Variants in NELL1 observed in about 807,000 individuals in gnomAD.
NELL1 encodes protein kinase C-binding protein NELL1.
A neutral mutation model predicts 107.4 loss-of-function variants in NELL1; 76 were observed. The observed-to-expected ratio is 0.71, with a 90% CI of 0.59 to 0.86. The LOEUF (loss-of-function observed/expected upper bound fraction) is 0.86. Ranked by LOEUF, NELL1 falls within the 40% of genes least tolerant of loss-of-function variation. The probability of loss-of-function intolerance (pLI) is 0.00; values close to 1 mark genes in which losing one functional copy is unlikely to be tolerated. For synonymous variants in NELL1, 353 were observed against 341.2 expected, an observed-to-expected ratio of 1.03 and a Z score of -0.38; for missense variants, 1,024 against 1,005.5, an observed-to-expected ratio of 1.02 and a Z score of -0.25.
chr11:21,220,088 A>AC (rs1305892006), intron 13 of NELL1, among the ~76,000 whole-genome samples: 1 of 152,222 alleles, frequency 6.6e-6, no homozygotes, highest in Non-Finnish European at 1.5e-5. Context: ...GTCACCTCCC[A>AC]CCAGGTTCTG....
At chr11:21,376,707 G>A (rs1851489852) in intron 15 of NELL1, among the ~76,000 whole-genome samples, 1 of 151,956 alleles carries the variant, frequency 6.6e-6, no homozygotes, top group African/African-American at 2.4e-5. Context: ...CCATTTGTTT[G>A]TGTCATCTAT....
intron 14 of NELL1, among the ~76,000 whole-genome samples, chr11:21,255,277 T>C (rs1858741140): frequency 6.6e-6 from 1 of 152,144 alleles, no homozygotes; most frequent in South Asian, 2.1e-4. Context: ...TGATAACCTG[T>C]GTTCTTTAAA....
intron 5 of NELL1, among the ~76,000 whole-genome samples, chr11:20,892,514 C>T (rs141480277): frequency 5.0e-4 from 76 of 152,276 alleles, no homozygotes; most frequent in Middle Eastern, 3.4e-3. Context: ...CCATTGTGGA[C>T]GATAGTATGG....
At chr11:21,201,480 T>A (rs1365238440) in intron 13 of NELL1, among the ~76,000 whole-genome samples, 1 of 152,242 alleles carries the variant, frequency 6.6e-6, no homozygotes, top group Non-Finnish European at 1.5e-5. Flanking sequence ...TGATTTTATA[T>A]TCTGAGACTT....
chr11:20,687,373 T>C (rs1854332236), intron 2 of NELL1, among the ~76,000 whole-genome samples: 1 of 152,078 alleles, frequency 6.6e-6, no homozygotes, highest in Non-Finnish European at 1.5e-5. Flanking sequence ...CAGTATGTCA[T>C]ATGTCATGTG....
At chr11:21,440,439 A>G (rs1044735953) in intron 15 of NELL1, among the ~76,000 whole-genome samples, 1 of 152,178 alleles carries the variant, frequency 6.6e-6, no homozygotes, top group Admixed American at 6.5e-5. Flanking sequence ...TATTTAGGTG[A>G]TGATAAAAGT....
In NELL1 at chr11:20,674,610, T is replaced by C. The variant is rs932613953; in HGVS notation, c.56-3322T>C. The C allele has an allele frequency of 4.2e-6, 5 of 1,202,682 alleles. No homozygotes were observed. The African/African-American group carries it at 6.0e-5, about 15-fold the overall frequency. The allele number at this position is 1,202,682 out of a possible 1,614,324, so 74.5% of individuals were successfully genotyped here. On this transcript the variant is annotated intron_variant, in intron 1 of 19. Transcript: ENST00000357134. The stretch of plus-strand genomic sequence containing the variant: ...GTTCCTATTTTATGGATGAGGAAAC[T>C]GAGGCTTGATAAATGAATGCTTTTC...
At chr11:21,552,694 T>TTATAGAAGAAATATGAAG (rs1344956351) in intron 16 of NELL1, among the ~76,000 whole-genome samples, 1 of 151,710 alleles carries the variant, frequency 6.6e-6, no homozygotes, top group Admixed American at 6.6e-5. Context: ...GTTTAGCATT[T>TTATAGAAGAAATATGAAG]TATAGAAGAA....
intron 13 of NELL1, among the ~76,000 whole-genome samples, chr11:21,212,801 C>T (rs1565113638): frequency 6.6e-6 from 1 of 152,150 alleles, no homozygotes; most frequent in Non-Finnish European, 1.5e-5. Context: ...AATTTGGCAA[C>T]AAAGCAGTGA....
At chr11:21,430,356 G>A (rs1557462) in intron 15 of NELL1, among the ~76,000 whole-genome samples, 59,209 of 151,954 alleles carry the variant, frequency 0.39, 13,945 homozygotes, top group African/African-American at 0.65. Flanking sequence ...TATAATATAT[G>A]TACAATTTGT....
rs1290022809 is a variant in NELL1 at position 21,229,398 on chromosome 11, A to G, written c.1493A>G (p.Gln498Arg). The stretch of plus-strand genomic sequence containing the variant: ...AATGCCATCTGCACCAACACTGTCC[A>G]GGGACACAGCTGCACCTGCAAACCG... ...DENAICTNTVQGHSCTCKPGY... is the reference protein window; with the variant it reads ...DENAICTNTVRGHSCTCKPGY... The change falls in exon 14 of 20, where the codon CAG (glutamine) becomes CGG (arginine). Residue 498 changes from glutamine (Q) to arginine (R), a missense_variant. Gln to Arg is a conservative substitution (Grantham distance 43, BLOSUM62 1). Transcript: ENST00000357134. The G allele has an allele frequency of 5.6e-6, 9 of 1,613,914 alleles. No individual in the cohort carries two copies. Among genetic ancestry groups the G allele is most frequent in the South Asian group, 1.1e-5 (1 of 91,088 alleles).
At chr11:21,384,086 A>G (rs1851678266) in intron 15 of NELL1, among the ~76,000 whole-genome samples, 1 of 151,922 alleles carries the variant, frequency 6.6e-6, no homozygotes, top group Non-Finnish European at 1.5e-5. Flanking sequence ...TATGATCTCC[A>G]CTGCTATCAC....
intron 15 of NELL1, among the ~76,000 whole-genome samples, chr11:21,441,343 G>C (rs1258415631): frequency 4.5e-5 from 6 of 132,346 alleles, no homozygotes; most frequent in Non-Finnish European, 7.7e-5. Context: ...GTGTGTGTGT[G>C]TGTGTGTGTG....
intron 14 of NELL1, among the ~76,000 whole-genome samples, chr11:21,338,693 A>AT (rs1049605385): frequency 2.3e-4 from 26 of 114,960 alleles, no homozygotes; most frequent in African/African-American, 9.9e-4. Flanking sequence ...GGAAACAAAC[A>AT]TTTCCTTTTT....
intron 15 of NELL1, among the ~76,000 whole-genome samples, chr11:21,484,055 A>G (rs1590967823): frequency 7.1e-6 from 1 of 141,576 alleles, no homozygotes; most frequent in East Asian, 2.0e-4. Context: ...CTCATTATAT[A>G]AAATATCCTA....
intron 14 of NELL1, among the ~76,000 whole-genome samples, chr11:21,321,714 C>A (rs990112855): frequency 2.6e-5 from 4 of 152,108 alleles, no homozygotes; most frequent in African/African-American, 9.7e-5. Flanking sequence ...CTTGTCCAGG[C>A]CACACAGCTG....
chr11:20,723,454 C>T lies in NELL1; in HGVS notation c.184+45394C>T, dbSNP rs114749272. On this transcript the variant is annotated intron_variant, in intron 2 of 19. Coordinates refer to ENST00000357134, the MANE Select transcript of NELL1 (RefSeq NM_006157.5). ...CAAGTCCAGAATCCTAAAGGGCCCT[C>T]AGTAAATCTTAAAGCTCCAGAGTAA... is the stretch of plus-strand genomic sequence containing the variant. Among the ~76,000 whole-genome samples, 1,207 of 152,276 alleles carry T rather than the reference C, an allele frequency of 7.9e-3. 18 individuals carry two copies. Among genetic ancestry groups the T allele is most frequent in the African/African-American group, 0.028 (1,152 of 41,550 alleles).
intron 5 of NELL1, among the ~76,000 whole-genome samples, chr11:20,910,674 G>A (rs1380518338): frequency 6.6e-6 from 1 of 152,194 alleles, no homozygotes; most frequent in African/African-American, 2.4e-5. Context: ...TATAGTTTAT[G>A]TGGGTGTTTA....
At chr11:21,302,780 G>A (rs111973414) in intron 14 of NELL1, among the ~76,000 whole-genome samples, 2 of 151,892 alleles carry the variant, frequency 1.3e-5, no homozygotes, top group African/African-American at 4.8e-5. Flanking sequence ...TGGGGGCTAG[G>A]CACAGTGATT....
Sources: allele counts gnomAD v4.1 joint callset (sites outside exome capture counted in the v4.1 genomes callset), GRCh38; gene constraint gnomAD v4.1.1; transcripts MANE v1.5; gene names NCBI Gene and HGNC (gene_info 2026-07-23, HGNC 2026-07-21).